The following DCLK3 variants were observed in gnomAD, a reference collection of about 807,000 sequenced individuals.
DCLK3 encodes the protein serine/threonine-protein kinase DCLK3.
DCLK3 carries 30 observed loss-of-function variants against 46.4 expected under a neutral mutation model. The observed-to-expected ratio is 0.65, with a 90% CI of 0.48 to 0.88. DCLK3 has a LOEUF of 0.88. Among genes scored for constraint, DCLK3 ranks in the 40% least tolerant of loss-of-function variants. The pLI is 0.00. For missense variants in DCLK3, 846 were observed against 907.1 expected (o/e 0.93, Z 0.87); for synonymous variants, 401 against 339.2 (o/e 1.18, Z -2.00).
At chr3:36,740,313 CT>C (rs1335346360) in intron 1 of DCLK3, among the ~76,000 whole-genome samples, 1 of 152,050 alleles carries the variant, frequency 6.6e-6, no homozygotes, top group Non-Finnish European at 1.5e-5. Flanking sequence ...TATAATTTCA[CT>C]GTATTAGTAG....
intron 2 of DCLK3, among the ~76,000 whole-genome samples, chr3:36,727,354 GTT>G (rs1701136129): frequency 6.6e-6 from 1 of 152,154 alleles, no homozygotes; most frequent in Admixed American, 6.5e-5. Flanking sequence ...TAAGAAGTGT[GTT>G]CCTATTGTGA....
At chr3:36,736,802 C>T (rs1281558316) in intron 2 of DCLK3, among the ~76,000 whole-genome samples, 2 of 152,166 alleles carry the variant, frequency 1.3e-5, no homozygotes, top group African/African-American at 2.4e-5. Flanking sequence ...CTTAGCAAAG[C>T]ATTATCTTCA....
At chr3:36,740,139 TTTTTC>T (rs931095333) in intron 1 of DCLK3, among the ~76,000 whole-genome samples, 1 of 151,118 alleles carries the variant, frequency 6.6e-6, no homozygotes, top group African/African-American at 2.4e-5. Flanking sequence ...TTTTTTTTTT[TTTTTC>T]ATTTATAAAG....
At chr3:36,716,836 C>T (rs1386316516) in intron 4 of DCLK3, among the ~76,000 whole-genome samples, 2 of 152,216 alleles carry the variant, frequency 1.3e-5, no homozygotes, top group Non-Finnish European at 2.9e-5. Context: ...CAGGGGCCAC[C>T]CATGCCCAAA....
chr3:36,724,652 C>A (rs551279486), intron 2 of DCLK3, among the ~76,000 whole-genome samples: 18 of 152,252 alleles, frequency 1.2e-4, no homozygotes, highest in Admixed American at 8.5e-4. Flanking sequence ...TATTTGCCTG[C>A]TGCCATCCAT....
chr3:36,741,079 G>A (rs1701339645), intron 1 of DCLK3, among the ~76,000 whole-genome samples: 1 of 152,178 alleles, frequency 6.6e-6, no homozygotes, highest in Non-Finnish European at 1.5e-5. Context: ...ACTACATATG[G>A]ACATCTGTTA....
chr3:36,738,298 C>T lies in DCLK3; in HGVS notation c.869G>A (p.Gly290Glu), dbSNP rs1701296980. ...AATCTCCACCCCAAGATGCTTCTCT[C>T]CCCTTGCGTGCCTCTCTTCCAGAGT... ...EATLEERHAR[G>E]EKHLGVEIEK... The change falls in exon 2 of 5, where the codon GGA becomes GAA. Residue 290 changes from glycine (G) to glutamate (E), a missense_variant. Coordinates refer to ENST00000636136, the MANE Select transcript of DCLK3 (RefSeq NM_001394672.2). 1 of 1,517,750 alleles carries T rather than the reference C, an allele frequency of 6.6e-7. No homozygotes were observed. Among genetic ancestry groups the T allele is most frequent in the South Asian group, 1.3e-5 (1 of 74,274 alleles). The allele number at this position is 1,517,750 out of a possible 1,614,324, so 94.0% of individuals were successfully genotyped here.
In DCLK3 at chr3:36,737,240, C is replaced by T; in HGVS notation, c.1927G>A (p.Val643Ile). The change falls in exon 2 of 5, where the codon GTC becomes ATC. Residue 643 changes from valine to isoleucine, a missense_variant. Val to Ile is a conservative substitution (Grantham distance 29, BLOSUM62 3). Around this residue, in one of 3 missense-constraint regions of DCLK3, gnomAD observed 247 missense variants for 322.8 expected, o/e 0.77. Transcript: ENST00000636136. This position sits in a 1 kb window ranked among gnomAD's most constrained non-coding sequence, Gnocchi z 4.4. The part of the protein sequence containing the change: ...ALVHMHDKSI[V>I]HRDLKPENLL... Reference sequence around the variant, plus strand: ...TTTTCCGGCTTGAGGTCCCGGTGGACAATGCTCTTGTCGTGCATGTGGACG... The same window carrying T: ...TTTTCCGGCTTGAGGTCCCGGTGGATAATGCTCTTGTCGTGCATGTGGACG... The T allele has an allele frequency of 1.2e-6, 2 of 1,614,006 alleles. No individual in the cohort carries two copies. The highest frequency in any genetic ancestry group is 1.7e-6 in the Non-Finnish European group (2 of 1,179,910).
chr3:36,756,283 A>G (rs1446444915), intron 1 of DCLK3, among the ~76,000 whole-genome samples: 3 of 152,188 alleles, frequency 2.0e-5, no homozygotes, highest in African/African-American at 7.2e-5. Context: ...TCACCCATCC[A>G]TTCCCTTCCA....
In DCLK3 at chr3:36,738,545, G is replaced by A. The variant is rs751850782; in HGVS notation, c.622C>T (p.Leu208=). The change falls in exon 2 of 5, where the codon CTG becomes TTG. Residue 208 remains leucine (L), a synonymous_variant. Coordinates refer to ENST00000636136, the MANE Select transcript of DCLK3 (RefSeq NM_001394672.2). ...GCCTTGCTAAACAGCCTGCTCCTCA[G>A]CCTTGGAGAAGGGGCACGGCTGTGC... is the stretch of plus-strand genomic sequence containing the variant. ...AQHSRAPSPR[L]RSRLFSKALK... is the part of the protein sequence containing the mutation. 6.7e-7 allele frequency: 1 copy of A among 1,502,818 alleles called. No individual in the cohort carries two copies. Among genetic ancestry groups the A allele is most frequent in the South Asian group, 1.4e-5 (1 of 72,174 alleles). 93.1% of individuals were successfully genotyped at this position (1,502,818 alleles called of 1,614,324 possible).
rs1435584366 is a variant in DCLK3 at position 36,712,937 on chromosome 3, T to C, written c.*2391A>G. The C allele has an allele frequency of 6.6e-6, 1 of 152,240 alleles. No individual in the cohort carries two copies. The highest frequency in any genetic ancestry group is 1.5e-5 in the Non-Finnish European group (1 of 68,036). 9.4% of individuals were successfully genotyped at this position (152,240 alleles called of 1,614,324 possible). A position where few individuals can be genotyped will look rare whatever the true frequency, so the allele number is the denominator to read the frequency against. On this transcript the variant is annotated 3_prime_UTR_variant, in exon 5 of 5. Transcript: ENST00000636136. ...ATAGGACATATGCTTGAATTTCTGC[T>C]GGGTAAACATCTAGAAGTGGAATAT...
Position 36,738,770 on chromosome 3 carries a change from A to G in DCLK3, c.397T>C (p.Leu133=), listed in dbSNP as rs1440860277. ...EQLLADISEA[L]GSPRWKNDRV... The stretch of plus-strand genomic sequence containing the variant: ...TCATTCTTCCATCTGGGAGAGCCCA[A>G]GGCTTCTGAGATGTCAGCTAAGAGC... The change falls in exon 2 of 5, where the codon TTG becomes CTG. Residue 133 remains leucine, a synonymous_variant. Transcript: ENST00000636136. 4.8e-6 allele frequency: 6 copies of G among 1,257,296 alleles called. No homozygotes were observed. Among genetic ancestry groups the G allele is most frequent in the East Asian group, 2.8e-5 (1 of 35,468 alleles). The allele number at this position is 1,257,296 out of a possible 1,614,324, so 77.9% of individuals were successfully genotyped here. A position where few individuals can be genotyped will look rare whatever the true frequency, so the allele number is the denominator to read the frequency against.
Position 36,712,500 on chromosome 3 carries a change from T to G in DCLK3, c.*2828A>C, listed in dbSNP as rs1175577094. The G allele has an allele frequency of 6.6e-6, 1 of 152,160 alleles. No individual in the cohort carries two copies. Among genetic ancestry groups the G allele is most frequent in the Non-Finnish European group, 1.5e-5 (1 of 68,024 alleles). 9.4% of individuals were successfully genotyped at this position (152,160 alleles called of 1,614,324 possible). On this transcript the variant is annotated 3_prime_UTR_variant, in exon 5 of 5. Transcript: ENST00000636136. ...ACAAAAGTGTACAATTTGGTAAGTTTTGACATATATACCCCCATAAATCCA... is the reference window on the plus strand; with the variant it reads ...ACAAAAGTGTACAATTTGGTAAGTTGTGACATATATACCCCCATAAATCCA...
intron 1 of DCLK3, among the ~76,000 whole-genome samples, chr3:36,750,869 C>T (rs535891264): frequency 2.0e-4 from 31 of 152,128 alleles, no homozygotes; most frequent in Admixed American, 1.6e-3. Context: ...CTCATGGAGT[C>T]ATCCAGAGAA....
intron 3 of DCLK3, among the ~76,000 whole-genome samples, chr3:36,719,770 T>C (rs773014433): frequency 1.3e-5 from 2 of 152,212 alleles, no homozygotes; most frequent in African/African-American, 2.4e-5. Context: ...ACAAAGTCAG[T>C]GTATTCAAAA....
At chr3:36,729,248 TGGG>T (rs71085143) in intron 2 of DCLK3, among the ~76,000 whole-genome samples, 18,735 of 92,822 alleles carry the variant, frequency 0.2, 1,903 homozygotes, top group Middle Eastern at 0.3. Flanking sequence ...TGTGTGTGTG[TGGG>T]GGGGGGGGGT....
intron 1 of DCLK3, among the ~76,000 whole-genome samples, chr3:36,742,669 C>G (rs1238019329): frequency 2.0e-5 from 3 of 152,224 alleles, no homozygotes; most frequent in Non-Finnish European, 2.9e-5. Context: ...AAAATGCAAC[C>G]TTCGGATGCA....
chr3:36,738,049 C>T lies in DCLK3; in HGVS notation c.1118G>A (p.Arg373Lys), dbSNP rs1007037095. The T allele has an allele frequency of 1.2e-6, 2 of 1,613,890 alleles. No individual in the cohort carries two copies. Among genetic ancestry groups the T allele is most frequent in the Non-Finnish European group, 1.7e-6 (2 of 1,179,972 alleles). The change falls in exon 2 of 5, where the codon AGG becomes AAG. Residue 373 changes from arginine (R) to lysine (K), a missense_variant. By Grantham distance (26) the Arg-to-Lys change is conservative. This residue lies in a region of DCLK3 where 553 missense variants were observed against 543.0 expected (regional missense o/e 1.02). Transcript: ENST00000636136. ...GEEGWKGDSH[R>K]SSPRNPTQEL... ...TTGAGTGGGATTCCTGGGGCTGCTC[C>T]TGTGGCTGTCACCCTTCCACCCTTC... is the stretch of plus-strand genomic sequence containing the variant.
intron 2 of DCLK3, among the ~76,000 whole-genome samples, chr3:36,722,526 G>A (rs1034359384): frequency 6.6e-6 from 1 of 152,118 alleles, no homozygotes; most frequent in East Asian, 1.9e-4. Context: ...ATATGGTTTG[G>A]CTGTGTCCCT....
Sources: gnomAD v4.1 joint callset for allele counts (sites outside exome capture counted in the v4.1 genomes callset) on GRCh38, gnomAD v4.1.1 for gene constraint, gnomAD v4.1.1 regional missense constraint, Gnocchi (gnomAD v3.1) non-coding constraint, MANE v1.5 for transcripts, NCBI Gene and HGNC (gene_info 2026-07-23, HGNC 2026-07-21) for gene names.